PPME1: variants seen among roughly 807,000 people sequenced by gnomAD.
PPME1 encodes protein phosphatase methylesterase 1.
Under a neutral mutation model 56.9 loss-of-function variants are expected in PPME1, and 17 were observed. The ratio of observed to expected loss-of-function variants is 0.30; its 90% CI spans 0.20 to 0.45. The LOEUF (loss-of-function observed/expected upper bound fraction) is 0.45, where lower values mean the gene tolerates loss of function less well. PPME1 is among the 20% of genes least tolerant of loss of function. The pLI, the probability that PPME1 is intolerant of heterozygous loss-of-function variation, is 1.00. For synonymous variants in PPME1, 122 were observed against 156.2 expected, an observed-to-expected ratio of 0.78 and a Z score of 1.63; for missense variants, 357 against 483.2, an observed-to-expected ratio of 0.74 and a Z score of 2.45.
intron 1 of PPME1, among the ~76,000 whole-genome samples, chr11:74,172,849 G>C (rs1857305422): frequency 6.6e-6 from 1 of 152,216 alleles, no homozygotes; most frequent in Non-Finnish European, 1.5e-5. Flanking sequence ...GACTACAGAA[G>C]AGAAACCTTA....
At chr11:74,218,831 G>T (rs2135644044) in intron 3 of PPME1, among the ~76,000 whole-genome samples, 1 of 152,186 alleles carries the variant, frequency 6.6e-6, no homozygotes, top group Non-Finnish European at 1.5e-5. Context: ...ACTGTGGAAA[G>T]ATTTTTTTTG....
At chr11:74,204,532 C>A in intron 3 of PPME1, 87 bp downstream of exon 3, 4 of 1,156,834 alleles carry the variant, frequency 3.5e-6, no homozygotes, top group South Asian at 1.4e-5. Context: ...TTAACACATT[C>A]TATTTGGGAA....
chr11:74,192,954 G>A (rs1857881894), intron 1 of PPME1, among the ~76,000 whole-genome samples: 1 of 152,112 alleles, frequency 6.6e-6, no homozygotes, highest in Non-Finnish European at 1.5e-5. Context: ...TGCTTCTGAT[G>A]TTTCTTCTCA....
Position 74,230,445 on chromosome 11 carries a change from G to A in PPME1, c.553+46G>A. 1 of 1,585,450 alleles carries A rather than the reference G, an allele frequency of 6.3e-7. No individual in the cohort carries two copies. Among genetic ancestry groups the A allele is most frequent in the Non-Finnish European group, 8.6e-7 (1 of 1,156,978 alleles). ...CCAAATCAGGATTTCACTTATAAGAGACATCCTTGGTAGATTATTACCTTG... is the reference window on the plus strand; with the variant it reads ...CCAAATCAGGATTTCACTTATAAGAAACATCCTTGGTAGATTATTACCTTG... On this transcript the variant is annotated intron_variant, in intron 6 of 13. Transcript: ENST00000328257. This position sits in a 1 kb window ranked among gnomAD's most constrained non-coding sequence, Gnocchi z 4.9.
chr11:74,213,783 ATGCAGCTATGGC>A (rs1293243531), intron 3 of PPME1, among the ~76,000 whole-genome samples: 3 of 152,248 alleles, frequency 2.0e-5, no homozygotes, highest in Non-Finnish European at 4.4e-5. Flanking sequence ...GTGCCCCCTA[ATGCAGCTATGGC>A]TGCAGTGACC....
intron 7 of PPME1, among the ~76,000 whole-genome samples, chr11:74,232,774 G>T (rs753231971): frequency 6.6e-6 from 1 of 151,266 alleles, no homozygotes; most frequent in Non-Finnish European, 1.5e-5. Context: ...TGACCTTCTG[G>T]GCTCAAGCGA....
At chr11:74,177,801 A>G (rs573716386) in intron 1 of PPME1, among the ~76,000 whole-genome samples, 1 of 152,336 alleles carries the variant, frequency 6.6e-6, no homozygotes, top group East Asian at 1.9e-4. Context: ...GAAATATGGT[A>G]TCTTTCAATT....
At chr11:74,237,166 GTAAA>G in intron 8 of PPME1, among the ~76,000 whole-genome samples, 1 of 149,068 alleles carries the variant, frequency 6.7e-6, no homozygotes, top group South Asian at 2.1e-4. Flanking sequence ...TATATTCTGT[GTAAA>G]TAGTTAAATC....
intron 3 of PPME1, among the ~76,000 whole-genome samples, chr11:74,214,101 G>T (rs974182892): frequency 4.6e-5 from 7 of 152,042 alleles, no homozygotes; most frequent in Non-Finnish European, 1.5e-5. Flanking sequence ...AACAGAGAAG[G>T]AATTCAGAAA....
At chr11:74,204,718 A>G (rs920134762) in intron 3 of PPME1, among the ~76,000 whole-genome samples, 8 of 152,176 alleles carry the variant, frequency 5.3e-5, no homozygotes, top group African/African-American at 1.9e-4. Flanking sequence ...GATAATAGGG[A>G]GTGATGGAAA....
At chr11:74,237,253 G>A (rs1229553736) in intron 8 of PPME1, among the ~76,000 whole-genome samples, 1 of 151,006 alleles carries the variant, frequency 6.6e-6, no homozygotes, top group Non-Finnish European at 1.5e-5. Flanking sequence ...CTGCCATCAG[G>A]AAGTACATAA....
At chr11:74,242,428 GTTC>G (rs1296644467) in intron 9 of PPME1, among the ~76,000 whole-genome samples, 4 of 152,102 alleles carry the variant, frequency 2.6e-5, no homozygotes, top group African/African-American at 9.7e-5. Flanking sequence ...CTCCAACTTT[GTTC>G]TTCTTTTTCA....
intron 5 of PPME1, among the ~76,000 whole-genome samples, chr11:74,226,725 G>T (rs1435847570): frequency 6.6e-6 from 1 of 152,130 alleles, no homozygotes; most frequent in Non-Finnish European, 1.5e-5. Flanking sequence ...AGGAAACATG[G>T]ACTAAATAAT....
At chr11:74,235,322 G>T (rs1036093182) in intron 7 of PPME1, among the ~76,000 whole-genome samples, 1 of 152,074 alleles carries the variant, frequency 6.6e-6, no homozygotes, top group Non-Finnish European at 1.5e-5. Context: ...GGAGAAGCTG[G>T]CGCCTGCCTT....
At chr11:74,194,149 T>C (rs1312988920) in intron 1 of PPME1, among the ~76,000 whole-genome samples, 1 of 152,232 alleles carries the variant, frequency 6.6e-6, no homozygotes, top group African/African-American at 2.4e-5. Flanking sequence ...TTCTTGCTTC[T>C]CCCTTCTCAA....
At chr11:74,208,043 G>A (rs1565383775) in intron 3 of PPME1, among the ~76,000 whole-genome samples, 1 of 152,180 alleles carries the variant, frequency 6.6e-6, no homozygotes, top group African/African-American at 2.4e-5. Flanking sequence ...GTCCGGCATG[G>A]TGGCTCATGC....
At chr11:74,222,519 C>T (rs1858824213) in intron 4 of PPME1, 150 bp downstream of exon 4, 3 of 720,196 alleles carry the variant, frequency 4.2e-6, no homozygotes, top group Admixed American at 2.4e-5. Flanking sequence ...GATGGAGTCT[C>T]ATTCTGTCGC....
At chr11:74,214,672 T>C (rs895287828) in intron 3 of PPME1, among the ~76,000 whole-genome samples, 7 of 149,074 alleles carry the variant, frequency 4.7e-5, no homozygotes, top group East Asian at 1.9e-4. Flanking sequence ...GCATAACATA[T>C]TTAAAATGCT....
chr11:74,192,528 G>A (rs565871362), intron 1 of PPME1, among the ~76,000 whole-genome samples: 1 of 152,130 alleles, frequency 6.6e-6, no homozygotes, highest in African/African-American at 2.4e-5. Flanking sequence ...ATGAAATTGA[G>A]GGGCCAGGGG....
Sources: allele counts gnomAD v4.1 joint callset (sites outside exome capture counted in the v4.1 genomes callset), GRCh38; gene constraint gnomAD v4.1.1; non-coding constraint Gnocchi (gnomAD v3.1); transcripts MANE v1.5; gene names NCBI Gene and HGNC (gene_info 2026-07-23, HGNC 2026-07-21).